Variants in NTM observed in about 807,000 individuals in gnomAD.
NTM encodes IgLON family member 2.
In NTM, 13 loss-of-function variants were observed where a neutral mutation model predicts 42.1. The ratio of observed to expected loss-of-function variants is 0.31; its 90% CI spans 0.20 to 0.49. The LOEUF is 0.49. Among genes scored for constraint, NTM ranks in the 20% least tolerant of loss-of-function variants. The pLI, the probability that NTM is intolerant of heterozygous loss-of-function variation, is 0.99. For missense variants in NTM, 373 were observed against 452.8 expected, an observed-to-expected ratio of 0.82 and a Z score of 1.60; for synonymous variants, 187 against 179.2, an observed-to-expected ratio of 1.04 and a Z score of -0.35.
At chr11:131,698,212 T>C (rs2075684207) in intron 1 of NTM, among the ~76,000 whole-genome samples, 1 of 152,218 alleles carries the variant, frequency 6.6e-6, no homozygotes, top group Non-Finnish European at 1.5e-5. Context: ...GAAAGTGTCA[T>C]TCAGTTCCTT....
At chr11:131,872,164 G>A (rs1308803436) in intron 1 of NTM, among the ~76,000 whole-genome samples, 1 of 152,154 alleles carries the variant, frequency 6.6e-6, no homozygotes, top group Non-Finnish European at 1.5e-5. Context: ...GTAAAGCAGG[G>A]TCACGCAGAT....
chr11:131,990,965 A>G (rs981061817), intron 2 of NTM, among the ~76,000 whole-genome samples: 8 of 152,178 alleles, frequency 5.3e-5, no homozygotes, highest in Non-Finnish European at 8.8e-5. Context: ...TGTGATATAC[A>G]TACTGTCTAA....
At chr11:132,026,031 G>A (rs1330516155) in intron 2 of NTM, among the ~76,000 whole-genome samples, 1 of 152,122 alleles carries the variant, frequency 6.6e-6, no homozygotes, top group African/African-American at 2.4e-5. Context: ...TCTGTAAAAC[G>A]GGAGTAGTAA....
chr11:132,311,117 G>A (rs1342149255), intron 6 of NTM, among the ~76,000 whole-genome samples: 3 of 152,184 alleles, frequency 2.0e-5, no homozygotes, highest in East Asian at 1.9e-4. Context: ...ATTCTGAGAA[G>A]GAGAGCAGCA....
chr11:131,840,656 G>T (rs571600941), intron 1 of NTM, among the ~76,000 whole-genome samples: 1 of 152,292 alleles, frequency 6.6e-6, no homozygotes, highest in Non-Finnish European at 1.5e-5. Context: ...ATATTTTAAA[G>T]AAGTGAAATG....
Position 131,943,887 on chromosome 11 carries a change from A to C in NTM, c.167+32239A>C, listed in dbSNP as rs368242806. On this transcript the variant is annotated intron_variant, in intron 2 of 8. Transcript: ENST00000683400. ...CCGAGTTGCTCTCTTAGAGCCTGGCAGACATTCTAATTCCAACTCACATTT... is the reference window on the plus strand; with the variant it reads ...CCGAGTTGCTCTCTTAGAGCCTGGCCGACATTCTAATTCCAACTCACATTT... Among the ~76,000 whole-genome samples, 121 of 150,958 alleles carry C rather than the reference A, an allele frequency of 8.0e-4. No homozygotes were observed. The South Asian group carries it at 0.019, about 24-fold the overall frequency.
chr11:132,311,652 A>C lies in NTM; in HGVS notation c.782+1420A>C, dbSNP rs78115367. Among the ~76,000 whole-genome samples the C allele has an allele frequency of 2.3e-3, 343 of 152,350 alleles. 5 individuals are homozygous for C. The East Asian group carries it at 0.035, about 15-fold the overall frequency. ...ATTAATTATTGAACCAAACCAAACA[A>C]AAAACCTATTGAGCTATGGGGTCAG... On this transcript the variant is annotated intron_variant, in intron 6 of 8. Coordinates refer to ENST00000683400, the MANE Select transcript of NTM (RefSeq NM_001352005.2).
intron 1 of NTM, chr11:131,774,139 T>A: frequency 5.1e-6 from 5 of 984,606 alleles, no homozygotes; most frequent in Non-Finnish European, 6.0e-6. Flanking sequence ...GAATTCTTCA[T>A]AAATGTCAGT....
At chr11:132,070,852 A>T (rs2057494464) in intron 2 of NTM, among the ~76,000 whole-genome samples, 1 of 142,112 alleles carries the variant, frequency 7.0e-6, no homozygotes, top group Non-Finnish European at 1.6e-5. Context: ...CGTCACACTG[A>T]CCATCACAGG....
intron 1 of NTM, among the ~76,000 whole-genome samples, chr11:131,386,902 A>G (rs1421944051): frequency 2.6e-5 from 4 of 152,206 alleles, no homozygotes; most frequent in African/African-American, 7.2e-5. Context: ...CCATCTCCCA[A>G]ACATATCCAG....
chr11:131,428,560 A>T (rs1283709107), intron 1 of NTM, among the ~76,000 whole-genome samples: 1 of 151,992 alleles, frequency 6.6e-6, no homozygotes, highest in Non-Finnish European at 1.5e-5. Flanking sequence ...CCCACACGAC[A>T]TGCTTCCCCC....
chr11:131,984,101 AT>A (rs1488092353), intron 2 of NTM, among the ~76,000 whole-genome samples: 1 of 152,256 alleles, frequency 6.6e-6, no homozygotes, highest in African/African-American at 2.4e-5. Context: ...TACAGTAGGC[AT>A]TTAAGTAAAT....
intron 1 of NTM, among the ~76,000 whole-genome samples, chr11:131,665,862 C>T (rs2068954659): frequency 6.6e-6 from 1 of 152,198 alleles, no homozygotes; most frequent in African/African-American, 2.4e-5. Flanking sequence ...ATGTTGATCC[C>T]CAGTTTCCTT....
chr11:132,043,054 C>T (rs2077417110), intron 2 of NTM, among the ~76,000 whole-genome samples: 2 of 152,148 alleles, frequency 1.3e-5, no homozygotes, highest in Non-Finnish European at 2.9e-5. Context: ...ATTGTAGAGG[C>T]AGGGGCAGTT....
chr11:131,954,131 A>G (rs1272516714), intron 2 of NTM, among the ~76,000 whole-genome samples: 1 of 152,172 alleles, frequency 6.6e-6, no homozygotes, highest in Non-Finnish European at 1.5e-5. Context: ...TCCTAAAACA[A>G]CCACCTGAGA....
At chr11:132,101,382 C>T (rs1032717117) in intron 2 of NTM, among the ~76,000 whole-genome samples, 10 of 152,150 alleles carry the variant, frequency 6.6e-5, no homozygotes, top group Admixed American at 4.6e-4. Flanking sequence ...GTACCAGTGA[C>T]CTTCAGCTCC....
chr11:131,713,940 G>T (rs1053595188), intron 1 of NTM, among the ~76,000 whole-genome samples: 2 of 152,210 alleles, frequency 1.3e-5, no homozygotes, highest in South Asian at 2.1e-4. Context: ...CTTGGACTTT[G>T]TTACGTTGGC....
chr11:131,380,733 G>C (rs913049160), intron 1 of NTM, among the ~76,000 whole-genome samples: 1 of 152,148 alleles, frequency 6.6e-6, no homozygotes, highest in African/African-American at 2.4e-5. Context: ...TGGATGAAAG[G>C]AAGGGAGGAA....
rs1214707543 is a variant in NTM, at chr11:132,002,429, G to A, written c.167+90781G>A. On this transcript the variant is annotated intron_variant, in intron 2 of 8. Transcript: ENST00000683400. The surrounding 1 kb of genome is among the most constrained non-coding windows in gnomAD (Gnocchi z 4.5). ...AGAAGGGGAAATTTTGGTTGAATAG[G>A]ATAAGAATGAGAATTTTGAGTGTCA... Among the ~76,000 whole-genome samples, 1 of 152,148 alleles carries A rather than the reference G, an allele frequency of 6.6e-6. No individual in the cohort carries two copies. Among genetic ancestry groups the A allele is most frequent in the Non-Finnish European group, 1.5e-5 (1 of 68,022 alleles).
Sources: allele counts gnomAD v4.1 joint callset (sites outside exome capture counted in the v4.1 genomes callset), GRCh38; gene constraint gnomAD v4.1.1; non-coding constraint Gnocchi (gnomAD v3.1); transcripts MANE v1.5; gene names NCBI Gene and HGNC (gene_info 2026-07-23, HGNC 2026-07-21).